Variants in ANKRD34B observed in about 807,000 individuals in gnomAD.
ANKRD34B encodes ankyrin repeat domain-containing protein 34B.
Under a neutral mutation model 4.4 loss-of-function variants are expected in ANKRD34B, and 2 were observed. The ratio of observed to expected loss-of-function variants is 0.46; its 90% CI spans 0.19 to 1.44. The LOEUF is 1.44. Ranked by LOEUF, ANKRD34B falls within the 40% of genes most tolerant of loss-of-function variation. The pLI, the probability that ANKRD34B is intolerant of heterozygous loss-of-function variation, is 0.26. For missense variants in ANKRD34B, 558 were observed against 604.7 expected, an observed-to-expected ratio of 0.92 and a Z score of 0.81; for synonymous variants, 226 against 227.1, an observed-to-expected ratio of 0.99 and a Z score of 0.05.
At position 80,560,009 on chromosome 5, in the gene ANKRD34B, C is replaced by A. The variant is rs761273142; in HGVS notation, c.11G>T (p.Gly4Val). The A allele has an allele frequency of 1.9e-6, 3 of 1,582,946 alleles. No homozygotes were observed. The highest frequency in any genetic ancestry group is 3.6e-5 in the Admixed American group (2 of 54,874). ...ATTTCCTTCACTTGAAATTTCCATA[C>A]CTTCATCCATCTTCGGAGGTTAGAA... MDE[G>V]MEISSEGNSL... is the part of the protein sequence containing the mutation. The change falls in exon 5 of 5, where the codon GGT becomes GTT. Residue 4 changes from glycine (G) to valine (V), a missense_variant. Gly to Val is a moderately radical substitution (Grantham distance 109). Transcript: ENST00000338682.
intron 4 of ANKRD34B, among the ~76,000 whole-genome samples, chr5:80,562,851 C>T (rs967200920): frequency 1.3e-5 from 2 of 152,252 alleles, no homozygotes; most frequent in South Asian, 4.2e-4. Context: ...TTTAAGGCTT[C>T]TCATCAGCTT....
In ANKRD34B at chr5:80,558,761, C is replaced by G; in HGVS notation, c.1259G>C (p.Ser420Thr). The G allele has an allele frequency of 1.2e-6, 2 of 1,614,162 alleles. No homozygotes were observed. Among genetic ancestry groups the G allele is most frequent in the Non-Finnish European group, 1.7e-6 (2 of 1,180,034 alleles). Residue 420 changes from serine to threonine, a missense_variant, in exon 5 of 5, where the codon AGC (serine) becomes ACC (threonine). By Grantham distance (58) the Ser-to-Thr change is moderately conservative. Transcript: ENST00000338682. The stretch of plus-strand genomic sequence containing the variant: ...TTCTAAAACTGCATGATTTCTCCTG[C>G]TCAGGGGACCTGGGGGGATATTCTC... ...LLENIPPGPL[S>T]RRNHAVLERR... is the part of the protein sequence containing the mutation.
chr5:80,560,203 A>C (rs1746378306), intron 4 of ANKRD34B, among the ~76,000 whole-genome samples, 161 bp from the exon 5 acceptor site: 1 of 152,206 alleles, frequency 6.6e-6, no homozygotes. Flanking sequence ...AATAAAGTAA[A>C]TTTTTGAATA....
Position 80,560,049 on chromosome 5 carries a change from A to C in ANKRD34B, c.-23-7T>G, listed in dbSNP as rs755267962. On this transcript the variant is annotated splice_polypyrimidine_tract_variant and splice_region_variant and intron_variant, in intron 4 of 4. Transcript: ENST00000338682. The stretch of plus-strand genomic sequence containing the variant: ...GGAGGTTAGAACTCAATACCTGGTT[A>C]TCAAAGATGGCAAAGACCAAAAGAT... 6.7e-7 allele frequency: 1 copy of C among 1,493,132 alleles called. No individual in the cohort carries two copies. The highest frequency in any genetic ancestry group is 9.0e-7 in the Non-Finnish European group (1 of 1,109,720). The allele number at this position is 1,493,132 out of a possible 1,614,324, so 92.5% of individuals were successfully genotyped here. A position where few individuals can be genotyped will look rare whatever the true frequency, so the allele number is the denominator to read the frequency against.
In ANKRD34B at chr5:80,558,931, G is replaced by A. The variant is rs766742738; in HGVS notation, c.1089C>T (p.Asn363=). Residue 363 remains asparagine (N), a synonymous_variant, in exon 5 of 5, where the codon AAC becomes AAT. Coordinates refer to ENST00000338682, the MANE Select transcript of ANKRD34B (RefSeq NM_001004441.3). ...STLRSIVQKR[N]LGANHYSSDS... ...CAGAGCTGTAGTGATTTGCCCCCAA[G>A]TTTCTTTTTTGAACTATACTTCTTA... is the stretch of plus-strand genomic sequence containing the variant. 3.7e-6 allele frequency: 6 copies of A among 1,614,026 alleles called. No homozygotes were observed. In the East Asian group the frequency reaches 6.7e-5, roughly 18 times the overall value.
intron 2 of ANKRD34B, among the ~76,000 whole-genome samples, chr5:80,567,621 C>CAAAAAAAAAAAAAAAA (rs111603222): frequency 1.3e-3 from 65 of 50,430 alleles, no homozygotes; most frequent in African/African-American, 2.3e-3. Flanking sequence ...GACTCCGTCT[C>CAAAAAAAAAAAAAAAA]AAAAAAAAAA....
At chr5:80,562,056 TGTGTGTGTG>T (rs1746420405) in intron 4 of ANKRD34B, among the ~76,000 whole-genome samples, 1 of 69,868 alleles carries the variant, frequency 1.4e-5, no homozygotes, top group Non-Finnish European at 3.5e-5. Flanking sequence ...ACTCAGCGTG[TGTGTGTGTG>T]TGTGTGTGTG....
In ANKRD34B at chr5:80,559,171, C is replaced by A; in HGVS notation, c.849G>T (p.Gly283=). ...TGATGAACCGCTTGGAAAGTGCCAGCCCATTGGTTTTATAGGATAGTTCTT... is the reference window on the plus strand; with the variant it reads ...TGATGAACCGCTTGGAAAGTGCCAGACCATTGGTTTTATAGGATAGTTCTT... ...PEEELSYKTN[G]LALSKRFITR... The change falls in exon 5 of 5, where the codon GGG becomes GGT. Residue 283 remains glycine (G), a synonymous_variant. Transcript: ENST00000338682. 1 of 1,614,150 alleles carries A rather than the reference C, an allele frequency of 6.2e-7. No homozygotes were observed. Among genetic ancestry groups the A allele is most frequent in the South Asian group, 1.1e-5 (1 of 91,090 alleles).
chr5:80,567,621 C>CAAAAA lies in ANKRD34B; in HGVS notation c.-190-852_-190-848dup, dbSNP rs111603222. Among the ~76,000 whole-genome samples, 40 of 50,506 alleles carry CAAAAA rather than the reference C, an allele frequency of 7.9e-4. 1 individual carries two copies. Among genetic ancestry groups the CAAAAA allele is most frequent in the South Asian group, 1.5e-3 (2 of 1,328 alleles). 33.1% of individuals were successfully genotyped at this position (50,506 alleles called of 152,430 possible). A position where few individuals can be genotyped will look rare whatever the true frequency, so the allele number is the denominator to read the frequency against. ...GGGTGACAAAAGCAAGACTCCGTCTCAAAAAAAAAAAAAAAGAAAAGAAAA... is the reference window on the plus strand; with the variant it reads ...GGGTGACAAAAGCAAGACTCCGTCTCAAAAAAAAAAAAAAAAAAAAGAAAAGAAAA... On this transcript the variant is annotated intron_variant, in intron 2 of 4. Transcript: ENST00000338682.
chr5:80,565,309 G>T (rs1395955348), intron 3 of ANKRD34B, among the ~76,000 whole-genome samples: 1 of 152,148 alleles, frequency 6.6e-6, no homozygotes, highest in Non-Finnish European at 1.5e-5. Flanking sequence ...TGCCTAGAAC[G>T]TTCTTTCCTC....
In ANKRD34B at chr5:80,559,947, G is replaced by A; in HGVS notation, c.73C>T (p.Leu25Phe). 6.2e-7 allele frequency: 1 copy of A among 1,613,892 alleles called. No individual in the cohort carries two copies. The highest frequency in any genetic ancestry group is 1.7e-5 in the Admixed American group (1 of 59,950). Residue 25 changes from leucine (L) to phenylalanine (F), a missense_variant, in exon 5 of 5, where the codon CTC becomes TTC. Transcript: ENST00000338682. ...CCGCCTTCTAGCAAAAGTCTTGTGA[G>A]GCGAAGCCGGCTCTGATGGACTGCT... ...IKAVHQSRLR[L>F]TRLLLEGGAY...
chr5:80,569,570 ACCTGCGGAGACGCGCCCAAGTCAGCC>A (rs1746691875), intron 1 of ANKRD34B, among the ~76,000 whole-genome samples: 1 of 150,182 alleles, frequency 6.7e-6, no homozygotes, highest in Non-Finnish European at 1.5e-5. Flanking sequence ...CTGCCGAGGC[ACCTGCGGAGACGCGCCCAAGTCAGCC>A]CCTCCGGAGA....
chr5:80,568,615 C>T (rs1462403389), intron 2 of ANKRD34B, among the ~76,000 whole-genome samples: 2 of 152,182 alleles, frequency 1.3e-5, no homozygotes, highest in East Asian at 3.9e-4. Context: ...TGTGTACCTC[C>T]TCCCACCCAA....
Position 80,557,194 on chromosome 5 carries a change from T to A in ANKRD34B, c.*1281A>T, listed in dbSNP as rs1207268554. 6.6e-6 allele frequency: 1 copy of A among 152,510 alleles called. No individual in the cohort carries two copies. The highest frequency in any genetic ancestry group is 1.5e-5 in the Non-Finnish European group (1 of 67,968). The allele number at this position is 152,510 out of a possible 1,614,324, so 9.4% of individuals were successfully genotyped here. Reference sequence around the variant, plus strand: ...ATCCTTTGTTGTTAAGCTGCTAGACTGAAATAAGGATTCTTTGTATAAACA... The same window carrying A: ...ATCCTTTGTTGTTAAGCTGCTAGACAGAAATAAGGATTCTTTGTATAAACA... On this transcript the variant is annotated 3_prime_UTR_variant, in exon 5 of 5. Coordinates refer to ENST00000338682, the MANE Select transcript of ANKRD34B (RefSeq NM_001004441.3).
At chr5:80,565,010 G>A (rs1746523950) in intron 3 of ANKRD34B, among the ~76,000 whole-genome samples, 2 of 152,166 alleles carry the variant, frequency 1.3e-5, no homozygotes, top group South Asian at 4.1e-4. Flanking sequence ...CAGCCTGTTT[G>A]CTCACTTTTT....
chr5:80,564,586 G>A (rs1251184259), intron 3 of ANKRD34B: 2 of 152,090 alleles, frequency 1.3e-5, no homozygotes, highest in Admixed American at 6.6e-5. Flanking sequence ...CCTGCAATGT[G>A]GACATAGGCA....
In ANKRD34B at chr5:80,557,997, G is replaced by A. The variant is rs987482546; in HGVS notation, c.*478C>T. 2 of 152,130 alleles carry A rather than the reference G, an allele frequency of 1.3e-5. No homozygotes were observed. Among genetic ancestry groups the A allele is most frequent in the African/African-American group, 4.8e-5 (2 of 41,376 alleles). The allele number at this position is 152,130 out of a possible 1,614,324, so 9.4% of individuals were successfully genotyped here. On this transcript the variant is annotated 3_prime_UTR_variant, in exon 5 of 5. Coordinates refer to ENST00000338682, the MANE Select transcript of ANKRD34B (RefSeq NM_001004441.3). ...AGTTCATTCTTTCTTTGTAGCTCGA[G>A]TTTTTTTATCTTAGAACATTTTACA...
At chr5:80,560,300 G>A (rs992496355) in intron 4 of ANKRD34B, among the ~76,000 whole-genome samples, 2 of 151,932 alleles carry the variant, frequency 1.3e-5, no homozygotes, top group African/African-American at 2.4e-5. Context: ...ACTTTCCTAA[G>A]TCCCACATTA....
rs1413986479 is a variant in ANKRD34B, at chr5:80,559,626, C to T, written c.394G>A (p.Glu132Lys). ...LVYAINSEDT[E>K]TLKVLLSACK... Reference sequence around the variant, plus strand: ...GCACTAAGAAGAACTTTCAGGGTCTCTGTATCTTCTGAATTTATAGCATAA... The same window carrying T: ...GCACTAAGAAGAACTTTCAGGGTCTTTGTATCTTCTGAATTTATAGCATAA... Residue 132 changes from glutamate to lysine, a missense_variant, in exon 5 of 5, where the codon GAG becomes AAG. Glu to Lys is a moderately conservative substitution (Grantham distance 56). Coordinates refer to ENST00000338682, the MANE Select transcript of ANKRD34B (RefSeq NM_001004441.3). The T allele has an allele frequency of 6.2e-7, 1 of 1,614,078 alleles. No individual in the cohort carries two copies. The highest frequency in any genetic ancestry group is 1.3e-5 in the African/African-American group (1 of 74,922).
Sources: gnomAD v4.1 joint callset for allele counts (sites outside exome capture counted in the v4.1 genomes callset) on GRCh38, gnomAD v4.1.1 for gene constraint, MANE v1.5 for transcripts, NCBI Gene and HGNC (gene_info 2026-07-23, HGNC 2026-07-21) for gene names.